Variants in GRID1 observed in about 807,000 individuals in gnomAD.
The protein encoded by GRID1 is glutamate ionotropic receptor delta type subunit 1.
In GRID1, 28 loss-of-function variants were observed where a neutral mutation model predicts 98.0. The ratio of observed to expected loss-of-function variants is 0.29; its 90% CI spans 0.21 to 0.39. GRID1 has a LOEUF of 0.39. Ranked by LOEUF, GRID1 falls within the 10% of genes least tolerant of loss-of-function variation. GRID1 has a pLI of 1.00. For synonymous variants in GRID1, 553 were observed against 538.5 expected (o/e 1.03, Z -0.37); for missense variants, 1,111 against 1,340.5 (o/e 0.83, Z 2.67).
intron 4 of GRID1, among the ~76,000 whole-genome samples, chr10:85,999,190 C>T (rs1359754344): frequency 1.4e-5 from 2 of 139,760 alleles, no homozygotes; most frequent in Admixed American, 1.5e-4. Context: ...CCAGCCTGGC[C>T]AACAGAGCAA....
At chr10:85,862,266 T>C (rs73340520) in intron 6 of GRID1, among the ~76,000 whole-genome samples, 19,383 of 152,222 alleles carry the variant, frequency 0.13, 1,395 homozygotes, top group Middle Eastern at 0.19. Context: ...GCATAACAAA[T>C]GCATAAATGG....
Position 86,049,033 on chromosome 10 carries a change from C to T in GRID1, c.726+89786G>A, listed in dbSNP as rs147681582. 5.3e-3 allele frequency among the ~76,000 whole-genome samples: 810 copies of T among 152,346 alleles called. 5 individuals are homozygous for T. The highest frequency in any genetic ancestry group is 0.018 in the African/African-American group (768 of 41,570). ...TATGTTGTCTTGCTTTCTGTCATTC[C>T]ATGAGGCTGGAGCTACCACTAGCCC... On this transcript the variant is annotated intron_variant, in intron 4 of 15. Transcript: ENST00000327946.
At chr10:85,706,820 T>C (rs1225168744) in intron 12 of GRID1, among the ~76,000 whole-genome samples, 1 of 152,166 alleles carries the variant, frequency 6.6e-6, no homozygotes, top group East Asian at 1.9e-4. Context: ...TATCTACAAC[T>C]GTCTGATCTT....
chr10:86,028,600 G>T (rs1029331273), intron 4 of GRID1, among the ~76,000 whole-genome samples: 8 of 152,134 alleles, frequency 5.3e-5, no homozygotes, highest in South Asian at 2.1e-4. Flanking sequence ...CCTAGAGAAG[G>T]GGGGAGCATG....
At chr10:86,041,840 C>A (rs1018250572) in intron 4 of GRID1, among the ~76,000 whole-genome samples, 1 of 150,902 alleles carries the variant, frequency 6.6e-6, no homozygotes, top group Non-Finnish European at 1.5e-5. Flanking sequence ...GGAGCCCTGA[C>A]AATTTCCACC....
At chr10:85,915,582 A>T (rs1319873594) in intron 5 of GRID1, among the ~76,000 whole-genome samples, 2 of 151,790 alleles carry the variant, frequency 1.3e-5, no homozygotes, top group Non-Finnish European at 2.9e-5. Flanking sequence ...ACTCAAACAC[A>T]TCCACACACA....
chr10:86,277,025 A>G (rs929754734), intron 2 of GRID1, among the ~76,000 whole-genome samples: 2 of 152,194 alleles, frequency 1.3e-5, no homozygotes, highest in African/African-American at 4.8e-5. Flanking sequence ...AATCATAGAG[A>G]CAGAAAGTAG....
rs938393021 is a variant in GRID1 at position 86,273,837 on chromosome 10, A to G, written c.236-67189T>C. On this transcript the variant is annotated intron_variant, in intron 2 of 15. Transcript: ENST00000327946. ...GCCCTTTGTCAGATGAGTAGGTTGC[A>G]AAAATTTTCTCCCATTCTGTAGGTT... 9.2e-5 allele frequency among the ~76,000 whole-genome samples: 14 copies of G among 152,182 alleles called. No individual in the cohort carries two copies. The South Asian group carries it at 1.0e-3, about 11-fold the overall frequency.
chr10:86,215,611 C>T (rs1164606416), intron 2 of GRID1, among the ~76,000 whole-genome samples: 1 of 152,072 alleles, frequency 6.6e-6, no homozygotes, highest in East Asian at 1.9e-4. Flanking sequence ...TCTTGGAGAA[C>T]CTCGAAAGCA....
At chr10:86,204,626 A>G (rs1845999696) in intron 3 of GRID1, among the ~76,000 whole-genome samples, 1 of 152,212 alleles carries the variant, frequency 6.6e-6, no homozygotes, top group African/African-American at 2.4e-5. Context: ...GAGTCACAGG[A>G]GCCCAGGCGG....
intron 4 of GRID1, among the ~76,000 whole-genome samples, chr10:85,948,342 T>C (rs1454186575): frequency 1.3e-5 from 2 of 152,146 alleles, no homozygotes; most frequent in African/African-American, 4.8e-5. Context: ...AAGAGGAAGA[T>C]GAGGATGAAG....
intron 6 of GRID1, among the ~76,000 whole-genome samples, chr10:85,858,209 T>A (rs1362752228): frequency 6.6e-6 from 1 of 152,170 alleles, no homozygotes; most frequent in East Asian, 1.9e-4. Context: ...CTGCATTCTG[T>A]AGGTGTAACA....
intron 5 of GRID1, among the ~76,000 whole-genome samples, chr10:85,875,126 C>T (rs1436948124): frequency 6.6e-6 from 1 of 152,194 alleles, no homozygotes; most frequent in African/African-American, 2.4e-5. Flanking sequence ...GATCCACTCG[C>T]CTCGGCCTCC....
intron 8 of GRID1, among the ~76,000 whole-genome samples, chr10:85,771,881 T>C (rs1842272621): frequency 6.6e-6 from 1 of 152,142 alleles, no homozygotes; most frequent in Non-Finnish European, 1.5e-5. Flanking sequence ...TGGGAGACTT[T>C]AACACCCCAC....
chr10:86,360,345 G>T (rs1848584893), intron 2 of GRID1, among the ~76,000 whole-genome samples: 1 of 152,204 alleles, frequency 6.6e-6, no homozygotes, highest in Admixed American at 6.5e-5. Flanking sequence ...GTGGGGGGAA[G>T]ACTGGAAGGA....
chr10:85,734,732 T>G (rs1433617004), intron 8 of GRID1, among the ~76,000 whole-genome samples: 2 of 152,178 alleles, frequency 1.3e-5, no homozygotes, highest in Non-Finnish European at 1.5e-5. Context: ...TCCACAAAAC[T>G]GTGTGATCTT....
chr10:85,972,805 T>C (rs943661723), intron 4 of GRID1, among the ~76,000 whole-genome samples: 2 of 152,158 alleles, frequency 1.3e-5, no homozygotes, highest in Non-Finnish European at 2.9e-5. Context: ...AATGAACACA[T>C]TGATGATTCT....
intron 4 of GRID1, among the ~76,000 whole-genome samples, chr10:85,971,974 A>G (rs1423915022): frequency 1.3e-5 from 2 of 152,126 alleles, no homozygotes; most frequent in Non-Finnish European, 2.9e-5. Flanking sequence ...TAAATAAATG[A>G]CCGTATATTC....
At chr10:85,731,464 T>TAAA (rs35732771) in intron 8 of GRID1, among the ~76,000 whole-genome samples, 1 of 143,036 alleles carries the variant, frequency 7.0e-6, no homozygotes, top group African/African-American at 2.6e-5. Context: ...ATGATACAGT[T>TAAA]AAAAAAAAAA....
Sources: allele counts gnomAD v4.1 joint callset (sites outside exome capture counted in the v4.1 genomes callset), GRCh38; gene constraint gnomAD v4.1.1; transcripts MANE v1.5; gene names NCBI Gene and HGNC (gene_info 2026-07-23, HGNC 2026-07-21).